Variants in TAS2R1 observed in about 807,000 individuals in gnomAD.
The protein encoded by TAS2R1 is taste receptor type 2 member 1.
For missense variants in TAS2R1, 370 were observed against 353.4 expected, an observed-to-expected ratio of 1.05 and a Z score of -0.38; for synonymous variants, 141 against 134.2, an observed-to-expected ratio of 1.05 and a Z score of -0.35.
At chr5:9,856,040 T>C in the TAS2R1 span, among the ~76,000 whole-genome samples, 5 of 152,176 alleles carry the variant, frequency 3.3e-5, no homozygotes, top group African/African-American at 1.2e-4. Flanking sequence ...TATTTACATT[T>C]TACTTTTTAA....
At chr5:9,791,554 C>T in the TAS2R1 span, among the ~76,000 whole-genome samples, 11 of 152,088 alleles carry the variant, frequency 7.2e-5, no homozygotes, top group African/African-American at 2.7e-4. Flanking sequence ...CAAAAATTGG[C>T]CAGGCATCAT....
the TAS2R1 span, among the ~76,000 whole-genome samples, chr5:9,888,081 G>C: frequency 1.3e-5 from 2 of 152,132 alleles, no homozygotes; most frequent in African/African-American, 4.8e-5. Flanking sequence ...GCTTGCAGGG[G>C]ACTGCTCAGG....
the TAS2R1 span, among the ~76,000 whole-genome samples, chr5:9,790,381 T>C: frequency 6.6e-6 from 1 of 151,838 alleles, no homozygotes; most frequent in Non-Finnish European, 1.5e-5. Flanking sequence ...CTCAACCATA[T>C]AGTTAGCAAC....
At chr5:9,837,689 C>T in the TAS2R1 span, among the ~76,000 whole-genome samples, 2 of 152,174 alleles carry the variant, frequency 1.3e-5, no homozygotes, top group Non-Finnish European at 2.9e-5. Context: ...CTGGAAACAC[C>T]TTCTTCATTT....
At chr5:9,690,054 A>G (rs1051148372) in intron 1 of TAS2R1, among the ~76,000 whole-genome samples, 2 of 152,224 alleles carry the variant, frequency 1.3e-5, no homozygotes, top group African/African-American at 4.8e-5. Flanking sequence ...CTATACAACC[A>G]AAACTGTATA....
At chr5:9,782,663 A>G in the TAS2R1 span, among the ~76,000 whole-genome samples, 120,934 of 152,210 alleles carry the variant, frequency 0.79, 48,347 homozygotes, top group East Asian at 0.88. Context: ...ATTAACCACA[A>G]ACTAAGAGTC....
the TAS2R1 span, among the ~76,000 whole-genome samples, chr5:9,718,840 A>G: frequency 3.9e-5 from 6 of 152,106 alleles, no homozygotes; most frequent in African/African-American, 1.4e-4. Context: ...TAAAATAGGG[A>G]GCATTCTGTT....
chr5:9,811,561 G>A, the TAS2R1 span, among the ~76,000 whole-genome samples: 24 of 152,166 alleles, frequency 1.6e-4, no homozygotes, highest in African/African-American at 2.4e-4. Flanking sequence ...TGACTTTGCC[G>A]GACGCATTTG....
At chr5:9,729,194 G>A in the TAS2R1 span, among the ~76,000 whole-genome samples, 2 of 152,188 alleles carry the variant, frequency 1.3e-5, no homozygotes, top group African/African-American at 4.8e-5. Context: ...TTAGCAGGGG[G>A]GCAGTTTTTG....
At chr5:9,876,802 T>C in the TAS2R1 span, among the ~76,000 whole-genome samples, 140 of 151,516 alleles carry the variant, frequency 9.2e-4, no homozygotes, top group Non-Finnish European at 5.6e-4. Context: ...ACATCAGGAG[T>C]GGGAGGGGAC....
chr5:9,775,135 C>A, the TAS2R1 span, among the ~76,000 whole-genome samples: 1 of 152,054 alleles, frequency 6.6e-6, no homozygotes, highest in Non-Finnish European at 1.5e-5. Flanking sequence ...GAGCTGGCAC[C>A]TAAACCAAAA....
chr5:9,892,235 T>C, the TAS2R1 span, among the ~76,000 whole-genome samples: 1 of 152,242 alleles, frequency 6.6e-6, no homozygotes, highest in Non-Finnish European at 1.5e-5. Flanking sequence ...CCTTGTAGGC[T>C]GCAGAAGACA....
the TAS2R1 span, among the ~76,000 whole-genome samples, chr5:9,822,330 A>G: frequency 3.2e-4 from 48 of 149,582 alleles, no homozygotes; most frequent in African/African-American, 1.2e-3. Context: ...ATAATATGTA[A>G]TGTATGCATG....
At chr5:9,820,844 G>T in the TAS2R1 span, among the ~76,000 whole-genome samples, 1 of 152,140 alleles carries the variant, frequency 6.6e-6, no homozygotes, top group Non-Finnish European at 1.5e-5. Flanking sequence ...TAGTATTCTG[G>T]CCCAGGATCC....
the TAS2R1 span, among the ~76,000 whole-genome samples, chr5:9,900,485 G>T: frequency 6.6e-6 from 1 of 152,200 alleles, no homozygotes; most frequent in Non-Finnish European, 1.5e-5. Flanking sequence ...ATGCAGCACT[G>T]CATTCAAGAA....
the TAS2R1 span, among the ~76,000 whole-genome samples, chr5:9,882,567 A>G: frequency 6.6e-6 from 1 of 152,250 alleles, no homozygotes; most frequent in Admixed American, 6.5e-5. Context: ...TGGAGGTTGC[A>G]GTGAGCCGAG....
At chr5:9,740,771 C>T in the TAS2R1 span, among the ~76,000 whole-genome samples, 1 of 152,172 alleles carries the variant, frequency 6.6e-6, no homozygotes, top group African/African-American at 2.4e-5. Context: ...AGGAGTGGGT[C>T]TCCTGTGGCT....
intron 2 of TAS2R1, among the ~76,000 whole-genome samples, chr5:9,659,020 C>T (rs1378905359): frequency 6.6e-6 from 1 of 152,180 alleles, no homozygotes; most frequent in African/African-American, 2.4e-5. Context: ...TATTGTCATG[C>T]CTGTAAATTT....
the TAS2R1 span, among the ~76,000 whole-genome samples, chr5:9,767,144 A>G: frequency 1.3e-5 from 2 of 151,872 alleles, no homozygotes; most frequent in Non-Finnish European, 2.9e-5. Context: ...CATAAAGCCT[A>G]TCATTTCCTC....
Sources: gnomAD v4.1 joint callset for allele counts (sites outside exome capture counted in the v4.1 genomes callset) on GRCh38, gnomAD v4.1.1 for gene constraint, MANE v1.5 for transcripts, NCBI Gene and HGNC (gene_info 2026-07-23, HGNC 2026-07-21) for gene names.